The following CELF2 variants were observed in gnomAD, a reference collection of about 807,000 sequenced individuals.
CELF2 encodes CUGBP Elav-like family member 2.
A neutral mutation model predicts 62.6 loss-of-function variants in CELF2; 8 were observed. That is an observed-to-expected ratio of 0.13 (90% CI 0.07 to 0.23). CELF2 has a LOEUF of 0.23. Among genes scored for constraint, CELF2 ranks in the 10% least tolerant of loss-of-function variants. The pLI, the probability that CELF2 is intolerant of heterozygous loss-of-function variation, is 1.00. For missense variants in CELF2, 333 were observed against 671.0 expected (o/e 0.50, Z 5.56); for synonymous variants, 258 against 250.0 (o/e 1.03, Z -0.30).
At chr10:10,965,135 A>G (rs956133368) in intron 2 of CELF2, among the ~76,000 whole-genome samples, 2 of 152,136 alleles carry the variant, frequency 1.3e-5, no homozygotes, top group East Asian at 3.9e-4. Flanking sequence ...TTCCATCATT[A>G]TTATTTATTT....
intron 2 of CELF2, among the ~76,000 whole-genome samples, chr10:10,961,083 TA>T (rs1443631928): frequency 6.6e-6 from 1 of 152,138 alleles, no homozygotes; most frequent in East Asian, 1.9e-4. Flanking sequence ...TTCTTACAAG[TA>T]ATATTTTTTG....
chr10:11,158,031 C>A (rs143787379), intron 1 of CELF2, among the ~76,000 whole-genome samples: 1 of 152,328 alleles, frequency 6.6e-6, no homozygotes, highest in East Asian at 1.9e-4. Flanking sequence ...AATCATTCTT[C>A]ATCTTGGGAA....
intron 2 of CELF2, among the ~76,000 whole-genome samples, chr10:10,924,598 A>T (rs1226275027): frequency 1.3e-5 from 2 of 152,228 alleles, no homozygotes; most frequent in African/African-American, 4.8e-5. Context: ...AATTCGGTAT[A>T]TAAATCAGAT....
rs1019078329 is a variant in CELF2, at chr10:11,157,614, C to T, written c.75-7872C>T. On this transcript the variant is annotated intron_variant, in intron 1 of 12. Coordinates refer to ENST00000633077, the MANE Select transcript of CELF2 (RefSeq NM_001326342.2). The surrounding 1 kb of genome is among the most constrained non-coding windows in gnomAD (Gnocchi z 4.9). The stretch of plus-strand genomic sequence containing the variant: ...TAATTGGCCATGAGCAGCAGAAGGA[C>T]ATAAATGACCTATTTTTCAGCTCTC... Among the ~76,000 whole-genome samples, 3 of 152,164 alleles carry T rather than the reference C, an allele frequency of 2.0e-5. No individual in the cohort carries two copies. Among genetic ancestry groups the T allele is most frequent in the Non-Finnish European group, 4.4e-5 (3 of 68,036 alleles).
At chr10:11,078,495 C>T (rs2072871720) in intron 1 of CELF2, among the ~76,000 whole-genome samples, 1 of 152,144 alleles carries the variant, frequency 6.6e-6, no homozygotes, top group Admixed American at 6.5e-5. Flanking sequence ...CATTTTAATG[C>T]TTGACCCATT....
the CELF2 span, among the ~76,000 whole-genome samples, chr10:10,707,383 T>C: frequency 6.6e-6 from 1 of 152,206 alleles, no homozygotes; most frequent in Non-Finnish European, 1.5e-5. Flanking sequence ...TTTGTATTTT[T>C]AATTTGGGGT....
intron 1 of CELF2, among the ~76,000 whole-genome samples, chr10:10,821,089 A>T (rs764150555): frequency 1.1e-4 from 17 of 152,240 alleles, no homozygotes; most frequent in Non-Finnish European, 2.1e-4. Flanking sequence ...GAAGGAAAAG[A>T]AAGTGTCCAG....
At chr10:10,842,638 A>T (rs1174431582) in intron 1 of CELF2, among the ~76,000 whole-genome samples, 1 of 152,060 alleles carries the variant, frequency 6.6e-6, no homozygotes, top group Non-Finnish European at 1.5e-5. Context: ...CTTGGAATAA[A>T]TCCTACTTGG....
At position 11,315,329 on chromosome 10, in the gene CELF2, T is replaced by A. The variant is rs1439953236; in HGVS notation, c.1096+1071T>A. Reference sequence around the variant, plus strand: ...GGCACCTGCCCATTCTCATTTTTAATAAAGGAGTCCGTGACAGTTGTTGCC... The same window carrying A: ...GGCACCTGCCCATTCTCATTTTTAAAAAAGGAGTCCGTGACAGTTGTTGCC... On this transcript the variant is annotated intron_variant, in intron 10 of 12. Coordinates refer to ENST00000633077, the MANE Select transcript of CELF2 (RefSeq NM_001326342.2). This position sits in a 1 kb window ranked among gnomAD's most constrained non-coding sequence, Gnocchi z 5.8. 6.6e-6 allele frequency among the ~76,000 whole-genome samples: 1 copy of A among 152,160 alleles called. No homozygotes were observed. Among genetic ancestry groups the A allele is most frequent in the Non-Finnish European group, 1.5e-5 (1 of 68,032 alleles).
chr10:10,980,391 C>T (rs542397982), intron 2 of CELF2, among the ~76,000 whole-genome samples: 4 of 152,194 alleles, frequency 2.6e-5, no homozygotes, highest in Non-Finnish European at 5.9e-5. Flanking sequence ...ATGTTATCTT[C>T]GAAGCCCTTC....
intron 9 of CELF2, among the ~76,000 whole-genome samples, chr10:11,304,248 C>T (rs888306506): frequency 1.3e-5 from 2 of 152,104 alleles, no homozygotes; most frequent in East Asian, 3.9e-4. Flanking sequence ...ATGGCCCCTT[C>T]CTCCATCTTC....
At chr10:11,045,713 GCTT>G (rs1422910556) in intron 1 of CELF2, among the ~76,000 whole-genome samples, 3 of 152,152 alleles carry the variant, frequency 2.0e-5, no homozygotes, top group African/African-American at 7.2e-5. Context: ...TATGACCTCC[GCTT>G]CTTTCCCCAG....
the CELF2 span, among the ~76,000 whole-genome samples, chr10:10,544,772 C>A: frequency 6.6e-6 from 1 of 152,120 alleles, no homozygotes; most frequent in Non-Finnish European, 1.5e-5. Flanking sequence ...CTCCAGGAAG[C>A]CACAAATGTA....
chr10:10,950,952 G>A (rs1343149193), intron 2 of CELF2, among the ~76,000 whole-genome samples: 1 of 152,138 alleles, frequency 6.6e-6, no homozygotes, highest in Non-Finnish European at 1.5e-5. Context: ...TGAGCATTGT[G>A]GTGTGTGTAT....
intron 1 of CELF2, among the ~76,000 whole-genome samples, chr10:11,035,579 G>A (rs2139151957): frequency 6.6e-6 from 1 of 152,320 alleles, no homozygotes; most frequent in East Asian, 1.9e-4. Flanking sequence ...CAGATTTAAT[G>A]GCCCTGGGGT....
the CELF2 span, among the ~76,000 whole-genome samples, chr10:10,601,382 C>T: frequency 6.6e-6 from 1 of 152,118 alleles, no homozygotes; most frequent in Admixed American, 6.5e-5. Flanking sequence ...TAAACATTGT[C>T]GTGGATCTCT....
At chr10:10,771,828 T>C in the CELF2 span, among the ~76,000 whole-genome samples, 1 of 152,218 alleles carries the variant, frequency 6.6e-6, no homozygotes, top group Non-Finnish European at 1.5e-5. Context: ...CTCAGCAGCG[T>C]GAAAACGGAC....
chr10:11,176,571 G>A (rs2071220035), intron 2 of CELF2, among the ~76,000 whole-genome samples: 1 of 152,184 alleles, frequency 6.6e-6, no homozygotes, highest in African/African-American at 2.4e-5. Flanking sequence ...GTTTTCGAAT[G>A]GGTGTGGCAT....
chr10:10,503,767 C>T, the CELF2 span, among the ~76,000 whole-genome samples: 1 of 151,826 alleles, frequency 6.6e-6, no homozygotes, highest in Non-Finnish European at 1.5e-5. Flanking sequence ...TCTAGCATTT[C>T]ATTTTTTATT....
Sources: allele counts gnomAD v4.1 joint callset (sites outside exome capture counted in the v4.1 genomes callset), GRCh38; gene constraint gnomAD v4.1.1; non-coding constraint Gnocchi (gnomAD v3.1); transcripts MANE v1.5; gene names NCBI Gene and HGNC (gene_info 2026-07-23, HGNC 2026-07-21).